The following RAI14 variants were observed in gnomAD, a reference collection of about 807,000 sequenced individuals.
RAI14 encodes ankycorbin.
Under a neutral mutation model 115.4 loss-of-function variants are expected in RAI14, and 45 were observed. That is an observed-to-expected ratio of 0.39 (90% CI 0.31 to 0.50). The LOEUF is 0.50. RAI14 is among the 20% of genes least tolerant of loss of function. RAI14 has a pLI of 0.85. For missense variants in RAI14, 939 were observed against 1,131.2 expected, an observed-to-expected ratio of 0.83 and a Z score of 2.44; for synonymous variants, 371 against 415.4, an observed-to-expected ratio of 0.89 and a Z score of 1.30.
rs1428221667 is a variant in RAI14, at chr5:34,686,926, A to C, written c.7A>C (p.Ser3Arg). 6.2e-7 allele frequency: 1 copy of C among 1,613,796 alleles called. No individual in the cohort carries two copies. Residue 3 changes from serine (S) to arginine (R), a missense_variant, in exon 2 of 18, where the codon AGC (serine) becomes CGC (arginine). Physicochemically the swap from Ser to Arg is moderately radical, Grantham distance 110. Coordinates refer to ENST00000265109, the MANE Select transcript of RAI14 (RefSeq NM_015577.3). MK[S>R]LKAKFRKSDT... ...AAGGCTGAATGCACTAAACATGAAG[A>C]GCTTGAAAGCGAAGTTCAGGAAGAG...
chr5:34,786,412 C>G (rs569710690), intron 3 of RAI14, among the ~76,000 whole-genome samples: 3 of 152,276 alleles, frequency 2.0e-5, no homozygotes, highest in Non-Finnish European at 4.4e-5. Flanking sequence ...TCTTTTTCTT[C>G]AAAATAAGAA....
chr5:34,664,905 A>G (rs1306137743), intron 1 of RAI14, among the ~76,000 whole-genome samples: 3 of 149,016 alleles, frequency 2.0e-5, no homozygotes, highest in Non-Finnish European at 3.0e-5. Flanking sequence ...TACTTCACTT[A>G]GAATAATAAT....
intron 12 of RAI14, among the ~76,000 whole-genome samples, chr5:34,815,404 A>G (rs1402524159): frequency 8.6e-5 from 13 of 151,918 alleles, no homozygotes; most frequent in Non-Finnish European, 1.9e-4. Flanking sequence ...AAAAGAAAAA[A>G]ATACAAAAAT....
At chr5:34,659,524 T>C (rs1742533686) in intron 1 of RAI14, among the ~76,000 whole-genome samples, 1 of 152,244 alleles carries the variant, frequency 6.6e-6, no homozygotes, top group East Asian at 1.9e-4. Flanking sequence ...TACCTCAGCC[T>C]TCCACAGTGC....
At chr5:34,743,478 C>G (rs1015878347) in intron 2 of RAI14, among the ~76,000 whole-genome samples, 1 of 152,144 alleles carries the variant, frequency 6.6e-6, no homozygotes, top group Non-Finnish European at 1.5e-5. Flanking sequence ...TCTCTAGAAC[C>G]TTAGTCAGTT....
intron 2 of RAI14, among the ~76,000 whole-genome samples, chr5:34,706,816 G>A (rs1740746435): frequency 6.6e-6 from 1 of 152,016 alleles, no homozygotes; most frequent in Non-Finnish European, 1.5e-5. Flanking sequence ...CCTTGACCTT[G>A]AACTTTGTAT....
intron 2 of RAI14, chr5:34,716,121 T>C: frequency 2.3e-6 from 1 of 430,392 alleles, no homozygotes; most frequent in Non-Finnish European, 4.5e-6. Context: ...CAGTTATTTG[T>C]GGCAAAAGAC....
At chr5:34,753,144 TATGG>T (rs1047944178) in intron 2 of RAI14, among the ~76,000 whole-genome samples, 10 of 152,156 alleles carry the variant, frequency 6.6e-5, no homozygotes, top group Admixed American at 1.3e-4. Flanking sequence ...AGTCCTGTCC[TATGG>T]AGGGCATGCT....
At chr5:34,683,729 C>T (rs1293717319) in intron 1 of RAI14, among the ~76,000 whole-genome samples, 1 of 151,626 alleles carries the variant, frequency 6.6e-6, no homozygotes, top group African/African-American at 2.4e-5. Context: ...GGGCGATTCC[C>T]ACCTTTTTTT....
intron 2 of RAI14, among the ~76,000 whole-genome samples, chr5:34,755,637 T>C (rs147961656): frequency 1.1e-3 from 164 of 152,278 alleles, no homozygotes; most frequent in Middle Eastern, 0.01. Context: ...TAGCACTCTA[T>C]AGACATAACA....
At chr5:34,695,311 T>G (rs1387776941) in intron 2 of RAI14, among the ~76,000 whole-genome samples, 1 of 152,242 alleles carries the variant, frequency 6.6e-6, no homozygotes, top group Non-Finnish European at 1.5e-5. Flanking sequence ...CAAAATACCC[T>G]ATACAGTAGT....
Position 34,813,572 on chromosome 5 carries a change from A to T in RAI14, c.766-2A>T. 6.2e-7 allele frequency: 1 copy of T among 1,610,822 alleles called. No homozygotes were observed. Among genetic ancestry groups the T allele is most frequent in the South Asian group, 1.1e-5 (1 of 90,744 alleles). On this transcript the variant is annotated splice_acceptor_variant, in intron 10 of 17. Transcript: ENST00000265109. LOFTEE classifies it high-confidence loss of function. ...CATTCTTTGGACTGTGATAACTTTC[A>T]GCATGACCAAGTCTCTAAAATAAGC...
chr5:34,789,002 G>C (rs1459338054), intron 3 of RAI14, among the ~76,000 whole-genome samples: 3 of 152,154 alleles, frequency 2.0e-5, no homozygotes, highest in African/African-American at 7.2e-5. Flanking sequence ...AAGAGGACAA[G>C]TAAGTTTTAT....
chr5:34,676,992 A>G (rs1744025785), intron 1 of RAI14, among the ~76,000 whole-genome samples: 1 of 152,198 alleles, frequency 6.6e-6, no homozygotes, highest in Non-Finnish European at 1.5e-5. Flanking sequence ...GTTAATTCAT[A>G]AAAGAAAGTT....
At chr5:34,826,223 A>C in intron 15 of RAI14, 107 bp from the exon 16 acceptor site, 1 of 1,035,192 alleles carries the variant, frequency 9.7e-7, no homozygotes, top group Non-Finnish European at 1.4e-6. Flanking sequence ...CAAAGTCTTA[A>C]GTCCCAGAGG....
chr5:34,749,670 C>A (rs1746739937), intron 2 of RAI14, among the ~76,000 whole-genome samples: 1 of 152,182 alleles, frequency 6.6e-6, no homozygotes, highest in South Asian at 2.1e-4. Context: ...ACCGGCCAGC[C>A]AATATCATTT....
At chr5:34,704,954 A>AT (rs1740512382) in intron 2 of RAI14, among the ~76,000 whole-genome samples, 1 of 151,882 alleles carries the variant, frequency 6.6e-6, no homozygotes, top group Non-Finnish European at 1.5e-5. Context: ...AAGGAACTGA[A>AT]TTTTTCTTTA....
intron 2 of RAI14, among the ~76,000 whole-genome samples, chr5:34,717,836 G>A (rs900838806): frequency 8.6e-5 from 13 of 151,266 alleles, no homozygotes; most frequent in Middle Eastern, 3.4e-3. Flanking sequence ...GCACAGATCC[G>A]GCTCCTGTTT....
intron 5 of RAI14, 109 bp downstream of exon 5, chr5:34,803,885 G>C (rs945079924): frequency 2.1e-6 from 2 of 972,776 alleles, no homozygotes; most frequent in Non-Finnish European, 3.1e-6. Context: ...TTTAAATACT[G>C]TCCCCAAACC....
Sources: gnomAD v4.1 joint callset for allele counts (sites outside exome capture counted in the v4.1 genomes callset) on GRCh38, gnomAD v4.1.1 for gene constraint, MANE v1.5 for transcripts, NCBI Gene and HGNC (gene_info 2026-07-23, HGNC 2026-07-21) for gene names.